Variants in CMTM4 observed in about 807,000 individuals in gnomAD.
CMTM4 encodes CKLF like MARVEL transmembrane domain containing 4, also known as CKLF-like MARVEL transmembrane domain-containing protein 4.
Under a neutral mutation model 19.0 loss-of-function variants are expected in CMTM4, and 8 were observed. That is an observed-to-expected ratio of 0.42 (90% confidence interval 0.25 to 0.76). The LOEUF is 0.76. Ranked by LOEUF, CMTM4 falls within the 30% of genes least tolerant of loss-of-function variation. CMTM4 has a pLI of 0.27. For missense variants in CMTM4, 228 were observed against 290.2 expected (o/e 0.79, Z 1.56); for synonymous variants, 106 against 121.1 (o/e 0.88, Z 0.82).
Position 66,617,302 on chromosome 16 carries a change from C to G in CMTM4, c.*4756G>C. The G allele has an allele frequency of 1.2e-6, 2 of 1,614,102 alleles. No homozygotes were observed. Among genetic ancestry groups the G allele is most frequent in the East Asian group, 4.5e-5 (2 of 44,882 alleles). On this transcript the variant is annotated 3_prime_UTR_variant, in exon 4 of 4. Coordinates refer to ENST00000394106, the MANE Select transcript of CMTM4 (RefSeq NM_181521.3). ...CTAGGCAAGTTGCCAGTGATTCAAACTCAGCAGGTTTGTGGGTGATTTTTT... is the reference window on the plus strand; with the variant it reads ...CTAGGCAAGTTGCCAGTGATTCAAAGTCAGCAGGTTTGTGGGTGATTTTTT...
intron 1 of CMTM4, among the ~76,000 whole-genome samples, chr16:66,646,399 CATAT>C (rs1262759285): frequency 1.3e-5 from 2 of 152,040 alleles, no homozygotes; most frequent in East Asian, 3.9e-4. Flanking sequence ...AATATATACA[CATAT>C]ATGTACACAT....
At chr16:66,651,158 C>A (rs1178742669) in intron 1 of CMTM4, among the ~76,000 whole-genome samples, 1 of 152,046 alleles carries the variant, frequency 6.6e-6, no homozygotes, top group African/African-American at 2.4e-5. Flanking sequence ...ACTGTGCTTC[C>A]GAAGCCAGCT....
intron 1 of CMTM4, among the ~76,000 whole-genome samples, chr16:66,685,245 G>A (rs543296933): frequency 1.3e-5 from 2 of 152,234 alleles, no homozygotes; most frequent in African/African-American, 2.4e-5. Flanking sequence ...TCTCTAATAA[G>A]TAACTTTATT....
chr16:66,690,957 T>TAA (rs113936003), intron 1 of CMTM4, among the ~76,000 whole-genome samples: 2 of 145,152 alleles, frequency 1.4e-5, no homozygotes, highest in African/African-American at 5.1e-5. Context: ...TCTACAAAAA[T>TAA]AAAAAAAAAA....
chr16:66,620,578 C>T lies in CMTM4; in HGVS notation c.*1480G>A, dbSNP rs890380356. The T allele has an allele frequency of 3.0e-6, 3 of 985,480 alleles. No homozygotes were observed. The highest frequency in any genetic ancestry group is 3.6e-6 in the Non-Finnish European group (3 of 829,972). The allele number at this position is 985,480 out of a possible 1,614,324, so 61.0% of individuals were successfully genotyped here. A position where few individuals can be genotyped will look rare whatever the true frequency, so the allele number is the denominator to read the frequency against. ...TAAGGTGACGCTTTCTTGCACAGACCCCCCGCCGCCCCCTCGGAGTTATTT... is the reference window on the plus strand; with the variant it reads ...TAAGGTGACGCTTTCTTGCACAGACTCCCCGCCGCCCCCTCGGAGTTATTT... On this transcript the variant is annotated 3_prime_UTR_variant, in exon 4 of 4. Coordinates refer to ENST00000394106, the MANE Select transcript of CMTM4 (RefSeq NM_181521.3).
the CMTM4 span, chr16:66,608,223 A>G: frequency 4.0e-6 from 6 of 1,493,716 alleles, no homozygotes; most frequent in East Asian, 2.3e-5. This position sits in a 1 kb window ranked among gnomAD's most constrained non-coding sequence, Gnocchi z 5.1. Flanking sequence ...AACCTCCTCT[A>G]TCCTGACCAC....
At chr16:66,630,068 C>T (rs1334378519) in intron 2 of CMTM4, among the ~76,000 whole-genome samples, 1 of 152,140 alleles carries the variant, frequency 6.6e-6, no homozygotes. Context: ...CTGTACTCAG[C>T]CAGACAGAAG....
intron 1 of CMTM4, among the ~76,000 whole-genome samples, chr16:66,685,296 G>A (rs1278752423): frequency 6.6e-6 from 1 of 152,006 alleles, no homozygotes; most frequent in Non-Finnish European, 1.5e-5. Context: ...AGCATTTGGG[G>A]TTACTTCCAG....
At chr16:66,646,810 G>A (rs977199439) in intron 1 of CMTM4, among the ~76,000 whole-genome samples, 7 of 151,368 alleles carry the variant, frequency 4.6e-5, no homozygotes, top group African/African-American at 1.7e-4. Flanking sequence ...GGGTTCAAAC[G>A]ATTCTCCTGC....
chr16:66,676,005 A>G (rs2016803505), intron 1 of CMTM4, among the ~76,000 whole-genome samples: 1 of 152,032 alleles, frequency 6.6e-6, no homozygotes, highest in Non-Finnish European at 1.5e-5. Flanking sequence ...AACTATAAGC[A>G]CATGCCACCA....
chr16:66,609,549 C>G, the CMTM4 span: 1 of 1,575,096 alleles, frequency 6.3e-7, no homozygotes. This position sits in a 1 kb window ranked among gnomAD's most constrained non-coding sequence, Gnocchi z 4.4. Context: ...CCGCCCCACC[C>G]CTCTGGAAAC....
downstream of CMTM4, chr16:66,611,137 TA>T (rs2015360992): frequency 2.8e-6 from 1 of 356,586 alleles, no homozygotes. Flanking sequence ...GCTGTAAAAT[TA>T]TTCTTGACTT....
chr16:66,627,016 T>C (rs1400373231), intron 2 of CMTM4, among the ~76,000 whole-genome samples: 1 of 152,026 alleles, frequency 6.6e-6, no homozygotes, highest in Non-Finnish European at 1.5e-5. Context: ...GGTAGGAAGA[T>C]TGTTTGAGCC....
At chr16:66,659,261 G>A (rs943449776) in intron 1 of CMTM4, among the ~76,000 whole-genome samples, 14 of 152,156 alleles carry the variant, frequency 9.2e-5, no homozygotes, top group African/African-American at 2.6e-4. Flanking sequence ...TGTAGTCCCA[G>A]CTACTTGGGA....
At chr16:66,672,418 CAAA>C (rs58252678) in intron 1 of CMTM4, among the ~76,000 whole-genome samples, 1 of 74,674 alleles carries the variant, frequency 1.3e-5, no homozygotes. Flanking sequence ...GACTACGTCT[CAAA>C]AAAAAAAAAA....
chr16:66,695,678 G>T (rs1308886630), intron 1 of CMTM4, among the ~76,000 whole-genome samples: 1 of 152,188 alleles, frequency 6.6e-6, no homozygotes, highest in East Asian at 1.9e-4. Flanking sequence ...TGCCCTCCCA[G>T]ATTTAACTCT....
At chr16:66,659,168 T>A (rs1191526068) in intron 1 of CMTM4, among the ~76,000 whole-genome samples, 1 of 151,926 alleles carries the variant, frequency 6.6e-6, no homozygotes, top group Non-Finnish European at 1.5e-5. Context: ...TCACTTGAGG[T>A]CAGGAGTTTG....
chr16:66,668,630 G>A (rs554156860), intron 1 of CMTM4, among the ~76,000 whole-genome samples: 1 of 152,178 alleles, frequency 6.6e-6, no homozygotes, highest in East Asian at 1.9e-4. Flanking sequence ...AATCTAGAAT[G>A]TCATATATTT....
chr16:66,664,459 G>A (rs1197852615), intron 1 of CMTM4, among the ~76,000 whole-genome samples: 1 of 152,060 alleles, frequency 6.6e-6, no homozygotes, highest in Non-Finnish European at 1.5e-5. Context: ...TGATGGTTAA[G>A]AGCAAAATCT....
Sources: gnomAD v4.1 joint callset for allele counts (sites outside exome capture counted in the v4.1 genomes callset) on GRCh38, gnomAD v4.1.1 for gene constraint, Gnocchi (gnomAD v3.1) non-coding constraint, MANE v1.5 for transcripts, NCBI Gene and HGNC (gene_info 2026-07-23, HGNC 2026-07-21) for gene names.